BSPRY: variants seen among roughly 807,000 people sequenced by gnomAD.
BSPRY encodes B-box and SPRY domain containing.
A neutral mutation model predicts 38.0 loss-of-function variants in BSPRY; 33 were observed. That is an observed-to-expected ratio of 0.87 (90% CI 0.66 to 1.16). The LOEUF (loss-of-function observed/expected upper bound fraction) is 1.16, where lower values mean the gene tolerates loss of function less well. Among genes scored for constraint, BSPRY ranks in the 50% most tolerant of loss-of-function variants. BSPRY has a pLI of 0.00. For missense variants in BSPRY, 523 were observed against 533.2 expected (o/e 0.98, Z 0.19); for synonymous variants, 224 against 228.5 (o/e 0.98, Z 0.18).
chr9:113,358,943 G>A (rs1293543830), intron 2 of BSPRY, among the ~76,000 whole-genome samples: 8 of 152,084 alleles, frequency 5.3e-5, no homozygotes, highest in African/African-American at 7.2e-5. Context: ...CAGGAGGATC[G>A]CTTGAGCCCA....
rs748284315 is a variant in BSPRY, at chr9:113,369,943, C to CA, written c.1011dup (p.His338ThrfsTer32). The CA allele has an allele frequency of 2.1e-5, 34 of 1,614,100 alleles. No individual in the cohort carries two copies. Among genetic ancestry groups the CA allele is most frequent in the Non-Finnish European group, 2.9e-5 (34 of 1,180,048 alleles). On this transcript the variant is annotated frameshift_variant, in exon 6 of 6. Coordinates refer to ENST00000374183, the MANE Select transcript of BSPRY (RefSeq NM_017688.3). LOFTEE classifies it high-confidence loss of function. ...CGCTATGATCAGGAGTTTCGTTTCT[C>CA]ACACAATGGGCAGCACGAGCCCCTG...
intron 3 of BSPRY, among the ~76,000 whole-genome samples, chr9:113,361,814 A>G (rs1030474602): frequency 4.6e-5 from 7 of 152,198 alleles, no homozygotes; most frequent in Admixed American, 2.0e-4. Flanking sequence ...AAAGTATTTT[A>G]TATAGATAGG....
chr9:113,350,002 T>G (rs1833946352), intron 1 of BSPRY, among the ~76,000 whole-genome samples: 1 of 152,176 alleles, frequency 6.6e-6, no homozygotes, highest in South Asian at 2.1e-4. Flanking sequence ...GTCACGTAAC[T>G]CTGAGCCTCA....
intron 2 of BSPRY, among the ~76,000 whole-genome samples, chr9:113,355,705 C>T (rs1475665914): frequency 6.6e-6 from 1 of 151,768 alleles, no homozygotes; most frequent in African/African-American, 2.4e-5. Flanking sequence ...ACCTCCGTCT[C>T]CTGGGTTCGA....
rs779023901 is a variant in BSPRY at position 113,360,631 on chromosome 9, G to A, written c.425G>A (p.Ser142Asn). The A allele has an allele frequency of 2.5e-6, 4 of 1,609,402 alleles. No homozygotes were observed. In the South Asian group the frequency reaches 3.3e-5, roughly 13 times the overall value. Reference protein sequence around the residue: ...VHGEEERAHQSILTQRVHWAE... With the variant: ...VHGEEERAHQNILTQRVHWAE... ...GGCGAAGAGGAGCGGGCCCACCAGA[G>A]CATCCTGACACAGCGGGTGCACTGG... Residue 142 changes from serine to asparagine, a missense_variant, in exon 3 of 6, where the codon AGC becomes AAC. Transcript: ENST00000374183.
rs1347937614 is a variant in BSPRY at position 113,370,769 on chromosome 9, C to CA, written c.*628dup. 1 of 152,264 alleles carries CA rather than the reference C, an allele frequency of 6.6e-6. No homozygotes were observed. The highest frequency in any genetic ancestry group is 6.5e-5 in the Admixed American group (1 of 15,282). The allele number at this position is 152,264 out of a possible 1,614,324, so 9.4% of individuals were successfully genotyped here. On this transcript the variant is annotated 3_prime_UTR_variant, in exon 6 of 6. Transcript: ENST00000374183. This position sits in a 1 kb window ranked among gnomAD's most constrained non-coding sequence, Gnocchi z 4.8. ...TTCAGCCTCCTGCTCCAGCTGTTCA[C>CA]ATGCAGAAATGCTCTCTTCACAGGC...
intron 2 of BSPRY, among the ~76,000 whole-genome samples, chr9:113,358,529 A>G (rs989474711): frequency 4.6e-5 from 7 of 152,116 alleles, no homozygotes; most frequent in South Asian, 2.1e-4. Flanking sequence ...CAGCCTCCCA[A>G]AGTGCTGGGA....
chr9:113,367,857 G>T (rs548564163), intron 4 of BSPRY, among the ~76,000 whole-genome samples: 2 of 151,104 alleles, frequency 1.3e-5, no homozygotes, highest in African/African-American at 2.4e-5. Flanking sequence ...TTGAGACAGG[G>T]TCTCACTCTG....
chr9:113,363,426 G>A (rs1834186883), intron 4 of BSPRY, among the ~76,000 whole-genome samples: 1 of 152,130 alleles, frequency 6.6e-6, no homozygotes, highest in Non-Finnish European at 1.5e-5. Context: ...GGGCAACAGA[G>A]TAAGACCCTG....
chr9:113,349,801 GA>G, intron 1 of BSPRY, 21 bp downstream of exon 1: 1 of 1,223,762 alleles, frequency 8.2e-7, no homozygotes. Context: ...GTGGGCGCCG[GA>G]AGGCGAGGGC....
intron 2 of BSPRY, among the ~76,000 whole-genome samples, chr9:113,356,158 A>T (rs1045419246): frequency 6.6e-6 from 1 of 152,166 alleles, no homozygotes; most frequent in Non-Finnish European, 1.5e-5. Flanking sequence ...TAAAACAGAA[A>T]GGGGAATAGG....
intron 5 of BSPRY, 138 bp downstream of exon 5, chr9:113,368,521 C>A: frequency 8.2e-7 from 1 of 1,215,958 alleles, no homozygotes; most frequent in East Asian, 2.5e-5. Flanking sequence ...GCAGGCTGGT[C>A]AGTAGGGTCA....
At chr9:113,354,440 C>T in intron 2 of BSPRY, 102 bp downstream of exon 2, 2 of 825,622 alleles carry the variant, frequency 2.4e-6, no homozygotes, top group Middle Eastern at 2.3e-4. Flanking sequence ...CTCACAGACT[C>T]ATTGTGCTAC....
chr9:113,360,618 C>A lies in BSPRY; in HGVS notation c.412C>A (p.Arg138=), dbSNP rs753802077. 3 of 1,608,578 alleles carry A rather than the reference C, an allele frequency of 1.9e-6. No homozygotes were observed. Among genetic ancestry groups the A allele is most frequent in the Admixed American group, 1.7e-5 (1 of 59,280 alleles). The change falls in exon 3 of 6, where the codon CGG becomes AGG. Residue 138 remains arginine, a synonymous_variant. Transcript: ENST00000374183. The part of the protein sequence containing the change: ...LLEQVHGEEE[R]AHQSILTQRV... Reference sequence around the variant, plus strand: ...GGAACAGGTGCATGGCGAAGAGGAGCGGGCCCACCAGAGCATCCTGACACA... The same window carrying A: ...GGAACAGGTGCATGGCGAAGAGGAGAGGGCCCACCAGAGCATCCTGACACA...
Position 113,360,491 on chromosome 9 carries a change from T to C in BSPRY, c.301-16T>C, listed in dbSNP as rs1253551807. 6.3e-7 allele frequency: 1 copy of C among 1,576,732 alleles called. No individual in the cohort carries two copies. Among genetic ancestry groups the C allele is most frequent in the African/African-American group, 1.3e-5 (1 of 74,694 alleles). Reference sequence around the variant, plus strand: ...TTTGCACAGACCACCCAACTCCTCATTTTATCCCTCATTAGAGCATGGCCA... The same window carrying C: ...TTTGCACAGACCACCCAACTCCTCACTTTATCCCTCATTAGAGCATGGCCA... On this transcript the variant is annotated splice_polypyrimidine_tract_variant and intron_variant, in intron 2 of 5. Transcript: ENST00000374183.
Position 113,349,575 on chromosome 9 carries a change from C to G in BSPRY, c.-5C>G. The G allele has an allele frequency of 8.6e-7, 1 of 1,157,500 alleles. No individual in the cohort carries two copies. Among genetic ancestry groups the G allele is most frequent in the Non-Finnish European group, 1.1e-6 (1 of 941,052 alleles). The allele number at this position is 1,157,500 out of a possible 1,614,324, so 71.7% of individuals were successfully genotyped here. ...AGGTGGAGCGCACGGGGCGGGCGCA[C>G]GGCCATGTCCGCCGAGGGCGCGGAG... On this transcript the variant is annotated 5_prime_UTR_variant, in exon 1 of 6. Coordinates refer to ENST00000374183, the MANE Select transcript of BSPRY (RefSeq NM_017688.3).
rs1834326134 is a variant in BSPRY at position 113,370,247 on chromosome 9, C to T, written c.*105C>T. ...ATGTGTGTGGTGTTTCTAAGAGAAA[C>T]AGGGCCCATAACCAGTGGGCAGCTT... On this transcript the variant is annotated 3_prime_UTR_variant, in exon 6 of 6. Coordinates refer to ENST00000374183, the MANE Select transcript of BSPRY (RefSeq NM_017688.3). This position sits in a 1 kb window ranked among gnomAD's most constrained non-coding sequence, Gnocchi z 4.8. The T allele has an allele frequency of 1.5e-6, 2 of 1,373,172 alleles. No individual in the cohort carries two copies. Among genetic ancestry groups the T allele is most frequent in the Middle Eastern group, 2.7e-4 (1 of 3,770 alleles). The allele number at this position is 1,373,172 out of a possible 1,614,324, so 85.1% of individuals were successfully genotyped here.
At chr9:113,351,992 G>A (rs149865795) in intron 1 of BSPRY, among the ~76,000 whole-genome samples, 8,969 of 151,924 alleles carry the variant, frequency 0.059, 823 homozygotes, top group African/African-American at 0.2. Context: ...GTATTTTTTG[G>A]TAGAGATGGG....
rs7875669 is a variant in BSPRY, at chr9:113,369,495, A to C, written c.683-121A>C. The C allele has an allele frequency of 1.6e-3, 1,598 of 1,004,220 alleles. 25 individuals carry two copies. In the African/African-American group the frequency reaches 0.024, roughly 15 times the overall value. The allele number at this position is 1,004,220 out of a possible 1,614,324, so 62.2% of individuals were successfully genotyped here. ...CCCGTTTTGCAGACAAGGCTCAGAG[A>C]GAGTAAATGGCTTATATGAGGTCAC... On this transcript the variant is annotated intron_variant, in intron 5 of 5. Coordinates refer to ENST00000374183, the MANE Select transcript of BSPRY (RefSeq NM_017688.3).
Sources: allele counts gnomAD v4.1 joint callset (sites outside exome capture counted in the v4.1 genomes callset), GRCh38; gene constraint gnomAD v4.1.1; non-coding constraint Gnocchi (gnomAD v3.1); transcripts MANE v1.5; gene names NCBI Gene and HGNC (gene_info 2026-07-23, HGNC 2026-07-21).